Variants in LEKR1 observed in about 807,000 individuals in gnomAD.
The protein encoded by LEKR1 is leucine, glutamate and lysine rich 1.
A neutral mutation model predicts 72.4 loss-of-function variants in LEKR1; 59 were observed. The observed-to-expected ratio is 0.82, with a 90% CI of 0.66 to 1.01. LEKR1 has a LOEUF of 1.01. LEKR1 is among the 50% of genes least tolerant of loss of function. The pLI, the probability that LEKR1 is intolerant of heterozygous loss-of-function variation, is 0.00. For missense variants in LEKR1, 728 were observed against 759.2 expected (o/e 0.96, Z 0.48); for synonymous variants, 257 against 263.2 (o/e 0.98, Z 0.23).
At chr3:156,928,911 T>C (rs1724965022) in intron 5 of LEKR1, among the ~76,000 whole-genome samples, 1 of 152,062 alleles carries the variant, frequency 6.6e-6, no homozygotes, top group Non-Finnish European at 1.5e-5. Context: ...CCAGAGTCTC[T>C]ATAACATAAC....
At chr3:156,927,758 T>C (rs1349466440) in intron 5 of LEKR1, among the ~76,000 whole-genome samples, 154 bp downstream of exon 5, 1 of 151,928 alleles carries the variant, frequency 6.6e-6, no homozygotes, top group Non-Finnish European at 1.5e-5. Flanking sequence ...CTATTTCAAC[T>C]CTGAAATTTA....
chr3:156,949,886 A>G (rs542174867), intron 6 of LEKR1, among the ~76,000 whole-genome samples: 1 of 151,252 alleles, frequency 6.6e-6, no homozygotes, highest in African/African-American at 2.4e-5. Context: ...ACAGGTCACT[A>G]TGGCCTTGTA....
intron 2 of LEKR1, among the ~76,000 whole-genome samples, chr3:156,835,783 C>T (rs924094130): frequency 2.0e-5 from 3 of 150,614 alleles, no homozygotes; most frequent in Non-Finnish European, 3.0e-5. Context: ...TCTCATAAAG[C>T]GATTCCTTCC....
intron 12 of LEKR1, among the ~76,000 whole-genome samples, chr3:157,033,984 A>G (rs1734796415): frequency 6.6e-6 from 1 of 152,090 alleles, no homozygotes; most frequent in South Asian, 2.1e-4. Flanking sequence ...CAAAGCCTGA[A>G]TGACAGCACA....
At chr3:156,985,514 T>C (rs1730596249) in intron 7 of LEKR1, among the ~76,000 whole-genome samples, 1 of 152,132 alleles carries the variant, frequency 6.6e-6, no homozygotes, top group Non-Finnish European at 1.5e-5. Flanking sequence ...TTCCCTTACA[T>C]GGCAAAAGGG....
intron 9 of LEKR1, among the ~76,000 whole-genome samples, chr3:157,007,070 C>T (rs371520241): frequency 3.9e-5 from 6 of 152,136 alleles, no homozygotes; most frequent in South Asian, 2.1e-4. Context: ...GGCGTGGTGG[C>T]GGGCGCCTGT....
intron 3 of LEKR1, among the ~76,000 whole-genome samples, chr3:156,872,786 T>A (rs1718109675): frequency 2.0e-5 from 3 of 152,056 alleles, no homozygotes; most frequent in Admixed American, 2.0e-4. Flanking sequence ...TTAGTTTTAT[T>A]ACATTGTGGT....
At chr3:156,894,789 G>A (rs993575575) in intron 3 of LEKR1, among the ~76,000 whole-genome samples, 1 of 152,112 alleles carries the variant, frequency 6.6e-6, no homozygotes, top group Admixed American at 6.5e-5. Context: ...ACAAGCAATG[G>A]GGAAAGGACT....
intron 6 of LEKR1, among the ~76,000 whole-genome samples, chr3:156,971,644 G>GA (rs1195446405): frequency 2.3e-4 from 35 of 151,938 alleles, no homozygotes; most frequent in Admixed American, 1.8e-3. Flanking sequence ...AAATTTACAA[G>GA]AAAAAAACAA....
At position 157,006,160 on chromosome 3, in the gene LEKR1, C is replaced by T. The variant is rs372128314; in HGVS notation, c.1110-5253C>T. On this transcript the variant is annotated intron_variant, in intron 9 of 12. Transcript: ENST00000356539. ...AGCTGGGACTACAGGCGCCCGCCAC[C>T]GCGCCCGGCTAATTTTTTGTATTTT... is the stretch of plus-strand genomic sequence containing the variant. Among the ~76,000 whole-genome samples the T allele has an allele frequency of 2.1e-4, 32 of 151,956 alleles. No homozygotes were observed. In the South Asian group the frequency reaches 4.0e-3, roughly 19 times the overall value.
intron 9 of LEKR1, among the ~76,000 whole-genome samples, chr3:157,006,565 C>T (rs1172273505): frequency 6.6e-6 from 1 of 152,082 alleles, no homozygotes; most frequent in Non-Finnish European, 1.5e-5. Flanking sequence ...GTATTGAGAG[C>T]AGCTTAATTT....
intron 6 of LEKR1, among the ~76,000 whole-genome samples, chr3:156,969,792 T>C (rs1728991887): frequency 6.6e-6 from 1 of 152,214 alleles, no homozygotes; most frequent in Admixed American, 6.5e-5. Context: ...ATCATCCTGA[T>C]ACCAAAGCCT....
intron 2 of LEKR1, among the ~76,000 whole-genome samples, chr3:156,829,735 C>T (rs1378226839): frequency 6.6e-6 from 1 of 152,106 alleles, no homozygotes; most frequent in Admixed American, 6.5e-5. Flanking sequence ...TTACTGTGTG[C>T]CAAGCACTGT....
intron 3 of LEKR1, among the ~76,000 whole-genome samples, chr3:156,906,879 G>C (rs1388170645): frequency 2.6e-5 from 4 of 152,044 alleles, no homozygotes; most frequent in African/African-American, 9.7e-5. Flanking sequence ...AAAGAAAAAC[G>C]TTTTATAAAA....
intron 2 of LEKR1, among the ~76,000 whole-genome samples, chr3:156,830,996 A>G (rs1373535290): frequency 1.3e-5 from 2 of 152,144 alleles, no homozygotes; most frequent in African/African-American, 2.4e-5. Context: ...TTTTTGCAGT[A>G]AAGAAAGTTT....
chr3:156,851,600 T>C (rs1321412957), intron 2 of LEKR1, among the ~76,000 whole-genome samples: 1 of 152,166 alleles, frequency 6.6e-6, no homozygotes. Flanking sequence ...CTATATCCCA[T>C]AATACTGTAT....
chr3:157,032,722 C>T (rs1299616156), intron 12 of LEKR1, among the ~76,000 whole-genome samples: 4 of 152,170 alleles, frequency 2.6e-5, no homozygotes, highest in Non-Finnish European at 4.4e-5. Flanking sequence ...TGTGACACAA[C>T]ACTGGAGAGG....
intron 9 of LEKR1, among the ~76,000 whole-genome samples, chr3:157,001,217 A>G (rs372554456): frequency 6.6e-6 from 1 of 152,238 alleles, no homozygotes; most frequent in African/African-American, 2.4e-5. Context: ...ATAATTGAAA[A>G]CAATAAATTT....
At chr3:157,009,573 C>A (rs1181689157) in intron 9 of LEKR1, among the ~76,000 whole-genome samples, 1 of 152,046 alleles carries the variant, frequency 6.6e-6, no homozygotes, top group Admixed American at 6.6e-5. Flanking sequence ...TCTTATGAAC[C>A]TTAAATCTCC....
Sources: allele counts gnomAD v4.1 joint callset (sites outside exome capture counted in the v4.1 genomes callset), GRCh38; gene constraint gnomAD v4.1.1; transcripts MANE v1.5; gene names NCBI Gene and HGNC (gene_info 2026-07-23, HGNC 2026-07-21).